The following TRAK1 variants were observed in gnomAD, a reference collection of about 807,000 sequenced individuals.
The protein encoded by TRAK1 is trafficking kinesin protein 1, also known as trafficking kinesin-binding protein 1.
A neutral mutation model predicts 92.1 loss-of-function variants in TRAK1; 33 were observed. The ratio of observed to expected loss-of-function variants is 0.36; its 90% CI spans 0.27 to 0.48. The LOEUF is 0.48. Ranked by LOEUF, TRAK1 falls within the 20% of genes least tolerant of loss-of-function variation. The pLI is 0.99. For missense variants in TRAK1, 1,123 were observed against 1,257.9 expected (o/e 0.89, Z 1.62); for synonymous variants, 521 against 517.3 (o/e 1.01, Z -0.10).
At chr3:42,156,027 C>T (rs998808202) in intron 2 of TRAK1, among the ~76,000 whole-genome samples, 10 of 152,192 alleles carry the variant, frequency 6.6e-5, no homozygotes, top group Non-Finnish European at 1.5e-4. Context: ...TGCTTCCCTG[C>T]TGTGGGTCCC....
At chr3:42,110,837 C>T (rs1039880285) in intron 1 of TRAK1, among the ~76,000 whole-genome samples, 8 of 152,192 alleles carry the variant, frequency 5.3e-5, no homozygotes, top group Admixed American at 2.0e-4. Context: ...ATTTTCCCAG[C>T]GCAGGGCACT....
At chr3:42,055,468 T>C (rs1173899277) in intron 1 of TRAK1, among the ~76,000 whole-genome samples, 1 of 152,070 alleles carries the variant, frequency 6.6e-6, no homozygotes, top group Non-Finnish European at 1.5e-5. Flanking sequence ...CCACAGCAAA[T>C]CTTATTTGTT....
rs77837845 is a variant in TRAK1, at chr3:42,091,368, G to A, written c.-102G>A. ...TAACAAGCAAACTCAGAAAACTGCT[G>A]AGGAAGGCACGGGAGGGTGGCTGTG... is the stretch of plus-strand genomic sequence containing the variant. On this transcript the variant is annotated 5_prime_UTR_variant, in exon 1 of 16. Coordinates refer to ENST00000327628, the MANE Select transcript of TRAK1 (RefSeq NM_001042646.3). The A allele has an allele frequency of 4.8e-6, 5 of 1,035,514 alleles. No homozygotes were observed. The East Asian group carries it at 1.3e-4, about 27-fold the overall frequency. 64.1% of individuals were successfully genotyped at this position (1,035,514 alleles called of 1,614,324 possible). A position where few individuals can be genotyped will look rare whatever the true frequency, so the allele number is the denominator to read the frequency against.
intron 2 of TRAK1, among the ~76,000 whole-genome samples, chr3:42,144,764 T>A (rs866210846): frequency 2.0e-4 from 31 of 152,160 alleles, no homozygotes; most frequent in African/African-American, 6.8e-4. Context: ...TTCATTAAAA[T>A]GTATTTGTTT....
chr3:42,033,216 T>C (rs1702214091), intron 1 of TRAK1, among the ~76,000 whole-genome samples: 1 of 152,034 alleles, frequency 6.6e-6, no homozygotes, highest in Non-Finnish European at 1.5e-5. Flanking sequence ...CCCTCCTCCT[T>C]GGAAATGTGT....
intron 2 of TRAK1, among the ~76,000 whole-genome samples, chr3:42,154,706 C>T (rs530154942): frequency 6.6e-6 from 1 of 152,190 alleles, no homozygotes; most frequent in Non-Finnish European, 1.5e-5. Flanking sequence ...GCTGGGATTA[C>T]AGGTGTGAGC....
chr3:42,188,320 G>C (rs1047166193), intron 5 of TRAK1, among the ~76,000 whole-genome samples, 175 bp downstream of exon 5: 5 of 152,242 alleles, frequency 3.3e-5, no homozygotes, highest in Admixed American at 2.0e-4. Context: ...TACTATTTTA[G>C]CGGGATATGG....
At chr3:42,033,923 A>G (rs72867923) in intron 1 of TRAK1, among the ~76,000 whole-genome samples, 2,346 of 152,200 alleles carry the variant, frequency 0.015, 57 homozygotes, top group African/African-American at 0.053. Flanking sequence ...CTGGGTTCCA[A>G]TGACTCACCT....
intron 2 of TRAK1, among the ~76,000 whole-genome samples, chr3:42,127,586 C>G (rs1478589643): frequency 8.6e-5 from 13 of 152,014 alleles, no homozygotes; most frequent in Admixed American, 8.5e-4. Context: ...GTGTCAAACT[C>G]CAGGCCTCAA....
At chr3:42,164,063 T>G (rs1175652505) in intron 2 of TRAK1, among the ~76,000 whole-genome samples, 1 of 152,196 alleles carries the variant, frequency 6.6e-6, no homozygotes, top group African/African-American at 2.4e-5. Flanking sequence ...ATGGCCAGTT[T>G]TGCTGGAAAC....
chr3:42,014,806 AT>A (rs5848616), intron 1 of TRAK1, among the ~76,000 whole-genome samples: 21 of 147,298 alleles, frequency 1.4e-4, no homozygotes, highest in Middle Eastern at 3.5e-3. Context: ...TGGACCGCTG[AT>A]TTTTTTTTTT....
At chr3:42,218,806 G>A in intron 14 of TRAK1, 1 of 985,394 alleles carries the variant, frequency 1.0e-6, no homozygotes, top group Non-Finnish European at 1.2e-6. Flanking sequence ...CAGCTAGGGG[G>A]TATGGGGACC....
intron 14 of TRAK1, chr3:42,211,784 C>A: frequency 1.0e-6 from 1 of 985,438 alleles, no homozygotes; most frequent in Non-Finnish European, 1.2e-6. Context: ...AAAATAAACA[C>A]TGACATTTTT....
chr3:42,066,804 A>G (rs549516569), intron 1 of TRAK1, among the ~76,000 whole-genome samples: 82 of 152,030 alleles, frequency 5.4e-4, no homozygotes, highest in African/African-American at 2.0e-3. Flanking sequence ...GACTGTTTGG[A>G]CCCGTTTCCT....
chr3:42,075,116 A>G (rs953460891), intron 1 of TRAK1, among the ~76,000 whole-genome samples: 1 of 152,026 alleles, frequency 6.6e-6, no homozygotes, highest in Admixed American at 6.6e-5. Flanking sequence ...ATAGCCATCT[A>G]GGTTGATTCC....
intron 1 of TRAK1, among the ~76,000 whole-genome samples, chr3:42,124,570 G>C (rs1472904162): frequency 6.6e-6 from 1 of 152,198 alleles, no homozygotes. Context: ...ACAGGCATTA[G>C]TATGCACCCC....
upstream of TRAK1, among the ~76,000 whole-genome samples, chr3:42,083,042 A>G (rs914650605): frequency 1.3e-5 from 2 of 152,158 alleles, no homozygotes; most frequent in Non-Finnish European, 2.9e-5. Context: ...TTTGACCTAT[A>G]TATACTTGAG....
intron 2 of TRAK1, among the ~76,000 whole-genome samples, chr3:42,146,605 AGT>A (rs1699359730): frequency 6.6e-6 from 1 of 152,178 alleles, no homozygotes; most frequent in Non-Finnish European, 1.5e-5. Flanking sequence ...CCCAGGCTGC[AGT>A]GCAGTGGCAT....
At chr3:42,149,038 C>T (rs1052923920) in intron 2 of TRAK1, among the ~76,000 whole-genome samples, 14 of 152,162 alleles carry the variant, frequency 9.2e-5, no homozygotes, top group Non-Finnish European at 1.8e-4. Flanking sequence ...ATCTCTCAGC[C>T]TCTGCTGCCA....
Sources: gnomAD v4.1 joint callset for allele counts (sites outside exome capture counted in the v4.1 genomes callset) on GRCh38, gnomAD v4.1.1 for gene constraint, MANE v1.5 for transcripts, NCBI Gene and HGNC (gene_info 2026-07-23, HGNC 2026-07-21) for gene names.